PID1: variants seen among roughly 807,000 people sequenced by gnomAD.
PID1 encodes the protein phosphotyrosine interaction domain containing 1, also known as PTB-containing, cubilin and LRP1-interacting protein.
In PID1, 10 loss-of-function variants were observed where a neutral mutation model predicts 19.1. That is an observed-to-expected ratio of 0.52 (90% CI 0.32 to 0.89). PID1 has a LOEUF of 0.89. PID1 is among the 40% of genes least tolerant of loss of function. The probability of loss-of-function intolerance (pLI) is 0.03; values close to 1 mark genes in which losing one functional copy is unlikely to be tolerated. For synonymous variants in PID1, 130 were observed against 116.0 expected (o/e 1.12, Z -0.78); for missense variants, 248 against 285.3 (o/e 0.87, Z 0.94).
chr2:229,073,049 G>A (rs568835305), intron 2 of PID1, among the ~76,000 whole-genome samples: 49 of 152,022 alleles, frequency 3.2e-4, no homozygotes, highest in African/African-American at 5.3e-4. Flanking sequence ...TTTTTGAGAC[G>A]GAGTCTCGCT....
At chr2:229,242,508 C>A (rs1276663807) in intron 1 of PID1, among the ~76,000 whole-genome samples, 3 of 152,186 alleles carry the variant, frequency 2.0e-5, no homozygotes, top group Middle Eastern at 3.4e-3. Context: ...ACACTAGGAA[C>A]CTCAGGACTC....
chr2:229,162,568 A>C (rs1221939217), intron 1 of PID1, among the ~76,000 whole-genome samples: 1 of 152,262 alleles, frequency 6.6e-6, no homozygotes, highest in Non-Finnish European at 1.5e-5. Context: ...AGCTTCAAAA[A>C]TATGGCAAAT....
At chr2:229,223,396 G>A (rs576043556) in intron 1 of PID1, among the ~76,000 whole-genome samples, 114 of 152,144 alleles carry the variant, frequency 7.5e-4, no homozygotes, top group African/African-American at 2.6e-3. Context: ...TTATCAACAT[G>A]GTGTTTCTTA....
In PID1 at chr2:229,231,872, G is replaced by C. The variant is rs1265209307; in HGVS notation, c.30+39142C>G. On this transcript the variant is annotated intron_variant, in intron 1 of 2. Coordinates refer to ENST00000392055, the MANE Select transcript of PID1 (RefSeq NM_001100818.2). ...CTTAATCTGTTTGTGCTGCTATAACGAAATACCACAGAGTAGATAATTTAT... is the reference window on the plus strand; with the variant it reads ...CTTAATCTGTTTGTGCTGCTATAACCAAATACCACAGAGTAGATAATTTAT... 3 of 1,548,014 alleles carry C rather than the reference G, an allele frequency of 1.9e-6. No individual in the cohort carries two copies. In the South Asian group the frequency reaches 3.6e-5, roughly 18 times the overall value.
At chr2:229,056,612 A>ATATATATAT in intron 2 of PID1, among the ~76,000 whole-genome samples, 1 of 148,210 alleles carries the variant, frequency 6.7e-6, no homozygotes, top group African/African-American at 2.5e-5. Flanking sequence ...AAATAAAAAT[A>ATATATATAT]ATATATATAT....
intron 2 of PID1, among the ~76,000 whole-genome samples, chr2:229,141,279 T>A (rs150687095): frequency 1.4e-3 from 210 of 152,236 alleles, no homozygotes; most frequent in African/African-American, 4.8e-3. Context: ...TGGAGCTCCT[T>A]CTACCTCCAA....
intron 1 of PID1, among the ~76,000 whole-genome samples, chr2:229,235,160 C>T (rs1234499644): frequency 1.3e-5 from 2 of 152,198 alleles, no homozygotes; most frequent in East Asian, 3.9e-4. Context: ...TCCCTCCAGC[C>T]CCTCAAAAGC....
At chr2:229,214,974 C>T (rs1212502132) in intron 1 of PID1, among the ~76,000 whole-genome samples, 1 of 152,120 alleles carries the variant, frequency 6.6e-6, no homozygotes. Context: ...CATATCCCCC[C>T]TTTCTCTCTC....
At chr2:229,257,505 C>T (rs1690333832) in intron 1 of PID1, among the ~76,000 whole-genome samples, 1 of 152,178 alleles carries the variant, frequency 6.6e-6, no homozygotes, top group South Asian at 2.1e-4. Context: ...AGTTTACTTG[C>T]TGTCTCAGGA....
chr2:229,200,046 A>C (rs1691465026), intron 1 of PID1, among the ~76,000 whole-genome samples: 2 of 151,892 alleles, frequency 1.3e-5, no homozygotes, highest in South Asian at 2.1e-4. Flanking sequence ...GTTCTGAAAG[A>C]AGCACAGGTT....
intron 2 of PID1, among the ~76,000 whole-genome samples, chr2:229,099,087 CTT>C (rs1445015941): frequency 2.6e-5 from 4 of 152,170 alleles, no homozygotes; most frequent in Non-Finnish European, 5.9e-5. Flanking sequence ...AACCAGAACT[CTT>C]TCCCAACAAT....
intron 1 of PID1, among the ~76,000 whole-genome samples, chr2:229,156,824 C>T (rs1332974183): frequency 2.0e-5 from 3 of 152,198 alleles, no homozygotes; most frequent in Admixed American, 2.0e-4. Flanking sequence ...CAAGGACCTA[C>T]TACCTCTCTG....
At chr2:229,113,767 C>T (rs963820759) in intron 2 of PID1, among the ~76,000 whole-genome samples, 2 of 152,034 alleles carry the variant, frequency 1.3e-5, no homozygotes, top group African/African-American at 4.8e-5. Context: ...CAGAGAACCT[C>T]AATCAGCTGA....
At chr2:229,259,551 T>C (rs1163261539) in intron 1 of PID1, among the ~76,000 whole-genome samples, 1 of 152,242 alleles carries the variant, frequency 6.6e-6, no homozygotes, top group East Asian at 1.9e-4. Flanking sequence ...TTTATAACTT[T>C]AGGTTTTATA....
intron 1 of PID1, among the ~76,000 whole-genome samples, chr2:229,208,546 G>C (rs1691658695): frequency 6.6e-6 from 1 of 152,138 alleles, no homozygotes; most frequent in African/African-American, 2.4e-5. Context: ...AGAGATCTAG[G>C]AGCTTTTCTC....
intron 1 of PID1, among the ~76,000 whole-genome samples, chr2:229,196,176 T>C (rs1691373453): frequency 6.6e-6 from 1 of 152,068 alleles, no homozygotes; most frequent in Non-Finnish European, 1.5e-5. Flanking sequence ...ACCCTTCAGT[T>C]ACATTTTCAA....
At position 229,110,446 on chromosome 2, in the gene PID1, G is replaced by T. The variant is rs1238897829; in HGVS notation, c.177+45372C>A. The stretch of plus-strand genomic sequence containing the variant: ...ATCAGGTGAGGGAAGAGGAGAAGAG[G>T]TTCTCTAGGAATGGGAGGTACAGCC... On this transcript the variant is annotated intron_variant, in intron 2 of 2. Coordinates refer to ENST00000392055, the MANE Select transcript of PID1 (RefSeq NM_001100818.2). Among the ~76,000 whole-genome samples, 5 of 152,170 alleles carry T rather than the reference G, an allele frequency of 3.3e-5. No individual in the cohort carries two copies. The East Asian group carries it at 7.7e-4, about 23-fold the overall frequency.
At chr2:229,181,464 G>A (rs568698341) in intron 1 of PID1, among the ~76,000 whole-genome samples, 13 of 151,680 alleles carry the variant, frequency 8.6e-5, no homozygotes, top group East Asian at 3.9e-4. Flanking sequence ...AGAATCTTAC[G>A]AGAATCAACG....
intron 1 of PID1, among the ~76,000 whole-genome samples, chr2:229,156,397 C>G (rs1559261107): frequency 1.3e-5 from 2 of 152,234 alleles, no homozygotes; most frequent in Non-Finnish European, 2.9e-5. Flanking sequence ...CTTCTGTTCT[C>G]TGCCTTCCTG....
Sources: gnomAD v4.1 joint callset for allele counts (sites outside exome capture counted in the v4.1 genomes callset) on GRCh38, gnomAD v4.1.1 for gene constraint, MANE v1.5 for transcripts, NCBI Gene and HGNC (gene_info 2026-07-23, HGNC 2026-07-21) for gene names.